LEMD1: variants seen among roughly 807,000 people sequenced by gnomAD.
LEMD1 encodes LEM domain containing 1.
A neutral mutation model predicts 17.4 loss-of-function variants in LEMD1; 18 were observed. The observed-to-expected ratio is 1.04, with a 90% CI of 0.72 to 1.54. The LOEUF is 1.54. LEMD1 is among the 40% of genes most tolerant of loss of function. The pLI is 0.00. For synonymous variants in LEMD1, 88 were observed against 77.8 expected (o/e 1.13, Z -0.69); for missense variants, 195 against 210.4 (o/e 0.93, Z 0.45).
upstream of LEMD1, among the ~76,000 whole-genome samples, chr1:205,426,511 G>T (rs1666057075): frequency 6.6e-6 from 1 of 152,204 alleles, no homozygotes; most frequent in Admixed American, 6.5e-5. Context: ...TTCAGGGAAA[G>T]CTTCCTGGAG....
chr1:205,399,361 T>C (rs1363006853), intron 4 of LEMD1, among the ~76,000 whole-genome samples: 2 of 152,194 alleles, frequency 1.3e-5, no homozygotes, highest in Non-Finnish European at 2.9e-5. Flanking sequence ...TAGATTGCAA[T>C]TGGAGATAAA....
intron 5 of LEMD1, chr1:205,382,165 C>A (rs1663737947): frequency 3.7e-6 from 1 of 271,582 alleles, no homozygotes; most frequent in African/African-American, 2.2e-5. Flanking sequence ...CCACCCCCAG[C>A]TAATTAAAAA....
intron 1 of LEMD1, among the ~76,000 whole-genome samples, chr1:205,431,771 C>T (rs527303498): frequency 1.5e-4 from 23 of 152,200 alleles, no homozygotes; most frequent in African/African-American, 5.3e-4. Flanking sequence ...GGCTGGAGTG[C>T]AGTGGTGCGA....
intron 4 of LEMD1, among the ~76,000 whole-genome samples, chr1:205,409,139 G>A (rs182194910): frequency 6.6e-6 from 1 of 152,184 alleles, no homozygotes; most frequent in Admixed American, 6.5e-5. Context: ...AAGCCTGGCC[G>A]GCATATTATT....
chr1:205,440,072 G>A (rs958884535), intron 1 of LEMD1, among the ~76,000 whole-genome samples: 4 of 152,088 alleles, frequency 2.6e-5, no homozygotes, highest in African/African-American at 9.7e-5. Context: ...GGCTTCTGAG[G>A]AGAGAAGAAA....
chr1:205,449,178 GCA>G (rs1666453508), intron 1 of LEMD1, among the ~76,000 whole-genome samples: 1 of 152,222 alleles, frequency 6.6e-6, no homozygotes, highest in Non-Finnish European at 1.5e-5. Flanking sequence ...ATGGGGGTTA[GCA>G]CAGACATCTC....
intron 4 of LEMD1, among the ~76,000 whole-genome samples, chr1:205,389,861 A>G (rs1664244503): frequency 6.6e-6 from 1 of 152,236 alleles, no homozygotes; most frequent in Admixed American, 6.5e-5. Flanking sequence ...AAGTTGGTAA[A>G]AGATCTATAA....
intron 4 of LEMD1, among the ~76,000 whole-genome samples, chr1:205,411,353 G>A (rs994002422): frequency 6.6e-6 from 1 of 151,888 alleles, no homozygotes; most frequent in Non-Finnish European, 1.5e-5. Context: ...GGATCACGAG[G>A]TCAGGAGATC....
intron 1 of LEMD1, among the ~76,000 whole-genome samples, chr1:205,443,263 G>C (rs1666325970): frequency 6.6e-6 from 1 of 152,198 alleles, no homozygotes; most frequent in African/African-American, 2.4e-5. Context: ...AGGTCAAGGT[G>C]CAGCTCAGGG....
At chr1:205,430,982 G>A (rs1467267023) in intron 1 of LEMD1, among the ~76,000 whole-genome samples, 3 of 152,318 alleles carry the variant, frequency 2.0e-5, no homozygotes, top group African/African-American at 7.2e-5. Flanking sequence ...CTGAGATGAT[G>A]GGAGAGCGCC....
chr1:205,421,206 A>C (rs1665946668), intron 1 of LEMD1, among the ~76,000 whole-genome samples: 1 of 152,214 alleles, frequency 6.6e-6, no homozygotes, highest in Non-Finnish European at 1.5e-5. Context: ...ATTTATGTAA[A>C]TCTTGATATG....
intron 4 of LEMD1, among the ~76,000 whole-genome samples, chr1:205,412,147 C>T (rs76294705): frequency 0.015 from 2,297 of 152,204 alleles, 59 homozygotes; most frequent in African/African-American, 0.049. Flanking sequence ...TACTCAAAGC[C>T]CATTTTATGT....
At chr1:205,442,745 G>C (rs1575009140) in intron 1 of LEMD1, among the ~76,000 whole-genome samples, 1 of 152,138 alleles carries the variant, frequency 6.6e-6, no homozygotes, top group Non-Finnish European at 1.5e-5. Flanking sequence ...AGTTAGCAGA[G>C]AGCAACCTCC....
intron 1 of LEMD1, among the ~76,000 whole-genome samples, chr1:205,432,961 T>C (rs1182362424): frequency 2.0e-5 from 3 of 152,048 alleles, no homozygotes; most frequent in Non-Finnish European, 4.4e-5. Flanking sequence ...CAGTGAGCCA[T>C]GATTGTGCCA....
intron 4 of LEMD1, among the ~76,000 whole-genome samples, chr1:205,391,661 C>A (rs1443268972): frequency 6.6e-6 from 1 of 152,114 alleles, no homozygotes; most frequent in Non-Finnish European, 1.5e-5. Context: ...CCCAGCAGCC[C>A]AGGAGTAAGG....
At chr1:205,409,255 A>G (rs561792815) in intron 4 of LEMD1, among the ~76,000 whole-genome samples, 4 of 152,352 alleles carry the variant, frequency 2.6e-5, no homozygotes, top group African/African-American at 9.6e-5. Flanking sequence ...TAGGCTCTCG[A>G]TAAATCACAT....
intron 1 of LEMD1, among the ~76,000 whole-genome samples, chr1:205,421,391 A>G (rs1369287970): frequency 6.6e-6 from 1 of 152,324 alleles, no homozygotes; most frequent in African/African-American, 2.4e-5. Context: ...CATTTCTATC[A>G]TGTTTCAAGG....
At chr1:205,400,420 A>G (rs534682467) in intron 4 of LEMD1, among the ~76,000 whole-genome samples, 4 of 152,356 alleles carry the variant, frequency 2.6e-5, no homozygotes, top group Admixed American at 1.3e-4. Context: ...GCAGTGGGAC[A>G]CAGTGACATT....
At chr1:205,408,864 C>A (rs199859338) in intron 4 of LEMD1, among the ~76,000 whole-genome samples, 1 of 119,424 alleles carries the variant, frequency 8.4e-6, no homozygotes, top group Non-Finnish European at 1.9e-5. Flanking sequence ...CTTAAACAAA[C>A]AACAACAACA....
Sources: gnomAD v4.1 joint callset for allele counts (sites outside exome capture counted in the v4.1 genomes callset) on GRCh38, gnomAD v4.1.1 for gene constraint, MANE v1.5 for transcripts, NCBI Gene and HGNC (gene_info 2026-07-23, HGNC 2026-07-21) for gene names.